WDR1: variants seen among roughly 807,000 people sequenced by gnomAD.
WDR1 encodes the protein WD repeat domain 1, also known as WD repeat-containing protein 1.
A neutral mutation model predicts 71.9 loss-of-function variants in WDR1; 21 were observed. That is an observed-to-expected ratio of 0.29 (90% CI 0.21 to 0.42). WDR1 has a LOEUF of 0.42. Among genes scored for constraint, WDR1 ranks in the 10% least tolerant of loss-of-function variants. WDR1 has a pLI of 1.00. For synonymous variants in WDR1, 424 were observed against 347.4 expected (o/e 1.22, Z -2.45); for missense variants, 696 against 824.5 (o/e 0.84, Z 1.91).
chr4:10,081,054 A>G (rs1764995382), intron 11 of WDR1, among the ~76,000 whole-genome samples: 1 of 152,198 alleles, frequency 6.6e-6, no homozygotes, highest in Non-Finnish European at 1.5e-5. Context: ...GGTATCTCAT[A>G]GACTTTACAG....
rs1764724876 is a variant in WDR1, at chr4:10,074,618, A to G, written c.*760T>C. On this transcript the variant is annotated 3_prime_UTR_variant, in exon 15 of 15. Coordinates refer to ENST00000499869, the MANE Select transcript of WDR1 (RefSeq NM_017491.5). ...GAGCAGAAGAGGGAAAGACAGGGGA[A>G]CATCAAAGCATGATGGTGAAACGGT... is the stretch of plus-strand genomic sequence containing the variant. The G allele has an allele frequency of 6.5e-6, 1 of 152,680 alleles. No individual in the cohort carries two copies. The highest frequency in any genetic ancestry group is 2.4e-5 in the African/African-American group (1 of 41,466). 9.5% of individuals were successfully genotyped at this position (152,680 alleles called of 1,614,324 possible). A position where few individuals can be genotyped will look rare whatever the true frequency, so the allele number is the denominator to read the frequency against.
At chr4:10,098,851 G>A (rs1013049600) in intron 4 of WDR1, 141 bp downstream of exon 4, 73 of 1,243,990 alleles carry the variant, frequency 5.9e-5, no homozygotes, top group South Asian at 1.9e-4. Context: ...CAGCCCTCAC[G>A]GGGCCCGGCA....
At position 10,100,632 on chromosome 4, in the gene WDR1, A is replaced by G. The variant is rs551547771; in HGVS notation, c.230-1493T>C. Among the ~76,000 whole-genome samples, 6 of 152,322 alleles carry G rather than the reference A, an allele frequency of 3.9e-5. No homozygotes were observed. In the East Asian group the frequency reaches 1.2e-3, roughly 29 times the overall value. On this transcript the variant is annotated intron_variant, in intron 3 of 14. Coordinates refer to ENST00000499869, the MANE Select transcript of WDR1 (RefSeq NM_017491.5). ...ATGCCAAATCCAGTGAACAGCACTA[A>G]CTAAGGGGAGTCCCAGAAGGGCCCA... is the stretch of plus-strand genomic sequence containing the variant.
chr4:10,116,568 C>T, intron 1 of WDR1, 83 bp downstream of exon 1: 1 of 1,064,150 alleles, frequency 9.4e-7, no homozygotes, highest in East Asian at 5.0e-5. Context: ...GACTCCCCCG[C>T]CACCCGCACG....
intron 11 of WDR1, 123 bp downstream of exon 11, chr4:10,081,234 T>C: frequency 2.5e-6 from 2 of 807,586 alleles, no homozygotes; most frequent in Non-Finnish European, 4.2e-6. Context: ...CTTAGTGCAG[T>C]GCAAATGAGC....
chr4:10,087,573 C>T, intron 8 of WDR1, 134 bp downstream of exon 8: 1 of 859,714 alleles, frequency 1.2e-6, no homozygotes, highest in South Asian at 1.8e-5. Flanking sequence ...CACCAAAACC[C>T]CAAGGGCCAA....
At chr4:10,095,058 G>A (rs1384918831) in intron 5 of WDR1, among the ~76,000 whole-genome samples, 4 of 152,212 alleles carry the variant, frequency 2.6e-5, no homozygotes, top group South Asian at 2.1e-4. Context: ...TCCTGGTCCC[G>A]GCCACAGGGG....
At chr4:10,093,017 C>T in intron 5 of WDR1, 1 of 1,274,722 alleles carries the variant, frequency 7.8e-7, no homozygotes, top group South Asian at 1.2e-5. Context: ...GTCCTCACTC[C>T]CTCCCACCAA....
chr4:10,093,533 C>A (rs546418744), intron 5 of WDR1, among the ~76,000 whole-genome samples: 1 of 152,376 alleles, frequency 6.6e-6, no homozygotes, highest in Non-Finnish European at 1.5e-5. Context: ...AGCTACCCAC[C>A]CAACTGCCTC....
chr4:10,103,435 A>G (rs1355907073), intron 3 of WDR1, among the ~76,000 whole-genome samples: 1 of 152,094 alleles, frequency 6.6e-6, no homozygotes, highest in Non-Finnish European at 1.5e-5. Context: ...GCAACACTAC[A>G]AACTAGAAAG....
Position 10,083,907 on chromosome 4 carries a change from C to T in WDR1, c.1039+536G>A, listed in dbSNP as rs147959075. Among the ~76,000 whole-genome samples, 388 of 152,352 alleles carry T rather than the reference C, an allele frequency of 2.5e-3. 6 individuals carry two copies. The highest frequency in any genetic ancestry group is 9.1e-3 in the African/African-American group (378 of 41,586). ...CACAAACACCTCCAGGGAACATCAC[C>T]GAAGGGCCACAAGGCACCTCGCAGG... On this transcript the variant is annotated intron_variant, in intron 9 of 14. Transcript: ENST00000499869.
intron 5 of WDR1, among the ~76,000 whole-genome samples, 175 bp downstream of exon 5, chr4:10,097,536 G>A (rs576701097): frequency 3.3e-5 from 5 of 152,234 alleles, no homozygotes; most frequent in Admixed American, 6.5e-5. Context: ...TGGGGAGGAC[G>A]AGTGCTGGGT....
At chr4:10,089,646 G>A (rs577150334) in intron 5 of WDR1, among the ~76,000 whole-genome samples, 12 of 152,282 alleles carry the variant, frequency 7.9e-5, no homozygotes, top group Non-Finnish European at 1.2e-4. Context: ...GCGCTAACCC[G>A]GCAAATGCAC....
intron 8 of WDR1, among the ~76,000 whole-genome samples, chr4:10,085,400 A>C (rs1175043155): frequency 1.3e-5 from 2 of 152,342 alleles, no homozygotes; most frequent in African/African-American, 2.4e-5. Context: ...GAATGCAGCT[A>C]CTTTCATCTT....
chr4:10,103,843 G>T, intron 3 of WDR1, 53 bp downstream of exon 3: 1 of 1,308,874 alleles, frequency 7.6e-7, no homozygotes, highest in South Asian at 1.2e-5. Flanking sequence ...CCTGGGCCCT[G>T]AGCGCCACCC....
chr4:10,092,568 A>G, intron 5 of WDR1: 1 of 175,040 alleles, frequency 5.7e-6, no homozygotes, highest in Non-Finnish European at 1.2e-5. Flanking sequence ...GGCCCGGCAC[A>G]GTCCAGGGAC....
intron 2 of WDR1, among the ~76,000 whole-genome samples, chr4:10,115,062 A>G (rs1713625490): frequency 6.6e-6 from 1 of 152,228 alleles, no homozygotes. Context: ...CAACCTACCA[A>G]GGGAAATCAG....
intron 12 of WDR1, 26 bp downstream of exon 12, chr4:10,078,865 G>C (rs777929952): frequency 4.4e-6 from 7 of 1,587,782 alleles, no homozygotes; most frequent in Non-Finnish European, 6.0e-6. Context: ...AGGACAGAGA[G>C]CACGGGGGAG....
At chr4:10,102,731 C>A (rs1425335332) in intron 3 of WDR1, among the ~76,000 whole-genome samples, 1 of 152,210 alleles carries the variant, frequency 6.6e-6, no homozygotes, top group African/African-American at 2.4e-5. Flanking sequence ...TCAGGACAGG[C>A]TGCTGTGCAC....
Sources: gnomAD v4.1 joint callset for allele counts (sites outside exome capture counted in the v4.1 genomes callset) on GRCh38, gnomAD v4.1.1 for gene constraint, MANE v1.5 for transcripts, NCBI Gene and HGNC (gene_info 2026-07-23, HGNC 2026-07-21) for gene names.